Variants in PLXNA2 observed in about 807,000 individuals in gnomAD.
PLXNA2 encodes plexin-A2.
PLXNA2 carries 91 observed loss-of-function variants against 193.5 expected under a neutral mutation model. That is an observed-to-expected ratio of 0.47 (90% CI 0.40 to 0.56). The LOEUF (loss-of-function observed/expected upper bound fraction) is 0.56. PLXNA2 is among the 20% of genes least tolerant of loss of function. The probability of loss-of-function intolerance (pLI) is 0.00; values close to 1 mark genes in which losing one functional copy is unlikely to be tolerated. For synonymous variants in PLXNA2, 997 were observed against 1,027.3 expected (o/e 0.97, Z 0.56); for missense variants, 1,995 against 2,503.2 (o/e 0.80, Z 4.33).
At chr1:208,128,805 C>T (rs570172120) in intron 4 of PLXNA2, among the ~76,000 whole-genome samples, 96 of 150,204 alleles carry the variant, frequency 6.4e-4, no homozygotes, top group African/African-American at 2.2e-3. Context: ...GGGTTCACAC[C>T]ATTCTCCTGC....
At chr1:208,135,243 A>C (rs183395580) in intron 4 of PLXNA2, among the ~76,000 whole-genome samples, 2 of 152,274 alleles carry the variant, frequency 1.3e-5, no homozygotes, top group East Asian at 3.8e-4. Context: ...TTGTTTCTGA[A>C]ACTCCAAGCT....
rs1175337302 is a variant in PLXNA2, at chr1:208,025,808, A to G, written c.*1435T>C. On this transcript the variant is annotated 3_prime_UTR_variant, in exon 32 of 32. Transcript: ENST00000367033. The stretch of plus-strand genomic sequence containing the variant: ...AGTTTTAGGCATCATCAGAAGAGAC[A>G]GAGAAGGAAAGTCCAGTGAGAAGTC... 2.0e-5 allele frequency: 3 copies of G among 152,340 alleles called. No individual in the cohort carries two copies. Among genetic ancestry groups the G allele is most frequent in the East Asian group, 1.9e-4 (1 of 5,200 alleles). 9.4% of individuals were successfully genotyped at this position (152,340 alleles called of 1,614,324 possible). A position where few individuals can be genotyped will look rare whatever the true frequency, so the allele number is the denominator to read the frequency against.
chr1:208,196,074 T>C (rs1342861730), intron 3 of PLXNA2, among the ~76,000 whole-genome samples: 2 of 152,138 alleles, frequency 1.3e-5, no homozygotes, highest in East Asian at 3.9e-4. Flanking sequence ...CGAGTATAGT[T>C]ATGTTGGGCT....
At chr1:208,188,361 T>C (rs1670071360) in intron 3 of PLXNA2, among the ~76,000 whole-genome samples, 1 of 152,214 alleles carries the variant, frequency 6.6e-6, no homozygotes, top group Admixed American at 6.5e-5. Context: ...TAGGGATTTA[T>C]GCCTAGGATC....
chr1:208,153,387 C>T (rs2102501387), intron 3 of PLXNA2, among the ~76,000 whole-genome samples: 1 of 152,296 alleles, frequency 6.6e-6, no homozygotes, highest in South Asian at 2.1e-4. Flanking sequence ...TCTCTTGGGT[C>T]TTCATTTCTC....
chr1:208,070,853 G>T (rs1255621049), intron 12 of PLXNA2, among the ~76,000 whole-genome samples: 3 of 152,224 alleles, frequency 2.0e-5, no homozygotes, highest in Non-Finnish European at 4.4e-5. Context: ...AGTTAGCTAT[G>T]ATTTTTCTCA....
chr1:208,091,501 A>G (rs1422700451), intron 9 of PLXNA2, among the ~76,000 whole-genome samples: 8 of 152,210 alleles, frequency 5.3e-5, no homozygotes, highest in Non-Finnish European at 2.9e-5. Flanking sequence ...TAAATAAGAC[A>G]TTGAAGATTT....
At chr1:208,117,989 C>T (rs1406704563) in intron 4 of PLXNA2, among the ~76,000 whole-genome samples, 1 of 152,192 alleles carries the variant, frequency 6.6e-6, no homozygotes, top group African/African-American at 2.4e-5. Flanking sequence ...ATGCCACCTG[C>T]CTGAGATCCA....
rs768764617 is a variant in PLXNA2, at chr1:208,038,504, C to T, written c.4661-30G>A. On this transcript the variant is annotated intron_variant, in intron 25 of 31. Coordinates refer to ENST00000367033, the MANE Select transcript of PLXNA2 (RefSeq NM_025179.4). This position sits in a 1 kb window ranked among gnomAD's most constrained non-coding sequence, Gnocchi z 4.1. ...GTGGAGGGGGTGGTGCAGGGAGCGG[C>T]GTGAGAGGGATGAGGGCTGTGAGCC... The T allele has an allele frequency of 2.3e-5, 35 of 1,541,638 alleles. No homozygotes were observed. The highest frequency in any genetic ancestry group is 2.8e-5 in the Non-Finnish European group (31 of 1,114,112).
Position 208,206,680 on chromosome 1 carries a change from T to C in PLXNA2, c.1371+3600A>G, listed in dbSNP as rs190417813. On this transcript the variant is annotated intron_variant, in intron 3 of 31. Coordinates refer to ENST00000367033, the MANE Select transcript of PLXNA2 (RefSeq NM_025179.4). The stretch of plus-strand genomic sequence containing the variant: ...ACTATAGTTGCTGTTTTGTTTGAAT[T>C]CTTCCACCCTTATGGTGAATCTTTG... Among the ~76,000 whole-genome samples, 40 of 152,308 alleles carry C rather than the reference T, an allele frequency of 2.6e-4. No homozygotes were observed. The East Asian group carries it at 6.6e-3, about 25-fold the overall frequency.
In PLXNA2 at chr1:208,054,118, G is replaced by A. The variant is rs763376204; in HGVS notation, c.2856+303C>T. On this transcript the variant is annotated intron_variant, in intron 14 of 31. Coordinates refer to ENST00000367033, the MANE Select transcript of PLXNA2 (RefSeq NM_025179.4). The stretch of plus-strand genomic sequence containing the variant: ...GTGGGACAAGAGGCAGTTCCTCCCC[G>A]CCCCCAGTCTAGGATCCACTTTCTA... 1.2e-4 allele frequency among the ~76,000 whole-genome samples: 18 copies of A among 152,212 alleles called. 1 individual carries two copies. Among genetic ancestry groups the A allele is most frequent in the African/African-American group, 2.4e-4 (10 of 41,526 alleles).
intron 1 of PLXNA2, 60 bp from the exon 2 acceptor site, chr1:208,218,062 C>G: frequency 2.7e-6 from 4 of 1,456,318 alleles, no homozygotes; most frequent in Non-Finnish European, 3.7e-6. Context: ...AGCAAAGAGG[C>G]TGGCCTGACC....
intron 2 of PLXNA2, among the ~76,000 whole-genome samples, chr1:208,211,444 A>G (rs1465023741): frequency 6.6e-6 from 1 of 152,234 alleles, no homozygotes; most frequent in Non-Finnish European, 1.5e-5. Flanking sequence ...CTGTAATCCC[A>G]GCACTTTGGG....
At position 208,244,132 on chromosome 1, in the gene PLXNA2, G is replaced by A. The variant is rs1672154824; in HGVS notation, c.-570C>T. The A allele has an allele frequency of 6.5e-6, 1 of 154,020 alleles. No individual in the cohort carries two copies. The highest frequency in any genetic ancestry group is 2.4e-5 in the African/African-American group (1 of 41,454). The allele number at this position is 154,020 out of a possible 1,614,324, so 9.5% of individuals were successfully genotyped here. A position where few individuals can be genotyped will look rare whatever the true frequency, so the allele number is the denominator to read the frequency against. Reference sequence around the variant, plus strand: ...CCTGGCTTTCCAGATCTATTTCGAGGTTTGCTCCGCTGGCTGCGGCGCTCG... The same window carrying A: ...CCTGGCTTTCCAGATCTATTTCGAGATTTGCTCCGCTGGCTGCGGCGCTCG... On this transcript the variant is annotated 5_prime_UTR_variant, in exon 1 of 32. Transcript: ENST00000367033.
chr1:208,170,270 A>G (rs991841340), intron 3 of PLXNA2, among the ~76,000 whole-genome samples: 9 of 152,232 alleles, frequency 5.9e-5, no homozygotes, highest in African/African-American at 2.2e-4. Context: ...ACAGAGTGTC[A>G]TTTATCTTCC....
At chr1:208,067,151 C>T (rs891863524) in intron 12 of PLXNA2, among the ~76,000 whole-genome samples, 2 of 151,950 alleles carry the variant, frequency 1.3e-5, no homozygotes, top group African/African-American at 2.4e-5. Flanking sequence ...TTGAGACCAG[C>T]CTGAGCAACA....
At chr1:208,110,520 G>A (rs968666077) in intron 4 of PLXNA2, among the ~76,000 whole-genome samples, 1 of 152,178 alleles carries the variant, frequency 6.6e-6, no homozygotes, top group Non-Finnish European at 1.5e-5. Context: ...GAAGCAGCAG[G>A]AACAATAATA....
intron 13 of PLXNA2, among the ~76,000 whole-genome samples, chr1:208,054,948 G>A (rs562630268): frequency 6.6e-6 from 1 of 152,282 alleles, no homozygotes; most frequent in East Asian, 1.9e-4. Flanking sequence ...AGCAGACATT[G>A]CTACACTCCC....
intron 12 of PLXNA2, among the ~76,000 whole-genome samples, chr1:208,067,648 A>G (rs1420051643): frequency 6.6e-6 from 1 of 152,190 alleles, no homozygotes; most frequent in East Asian, 1.9e-4. Flanking sequence ...TTGTGTTACA[A>G]TCGCCCATGG....
Sources: allele counts gnomAD v4.1 joint callset (sites outside exome capture counted in the v4.1 genomes callset), GRCh38; gene constraint gnomAD v4.1.1; non-coding constraint Gnocchi (gnomAD v3.1); transcripts MANE v1.5; gene names NCBI Gene and HGNC (gene_info 2026-07-23, HGNC 2026-07-21).